Variants in PFKFB3 observed in about 807,000 individuals in gnomAD.
PFKFB3 encodes 6-phosphofructo-2-kinase/fructose-2,6-biphosphatase 3, also known as 6-phosphofructo-2-kinase/fructose-2,6-bisphosphatase 3.
A neutral mutation model predicts 68.0 loss-of-function variants in PFKFB3; 33 were observed. The ratio of observed to expected loss-of-function variants is 0.49; its 90% CI spans 0.37 to 0.65. PFKFB3 has a LOEUF of 0.65. Among genes scored for constraint, PFKFB3 ranks in the 30% least tolerant of loss-of-function variants. The pLI, the probability that PFKFB3 is intolerant of heterozygous loss-of-function variation, is 0.00. For synonymous variants in PFKFB3, 315 were observed against 288.2 expected (o/e 1.09, Z -0.94); for missense variants, 586 against 712.2 (o/e 0.82, Z 2.02).
rs1845850901 is a variant in PFKFB3, at chr10:6,233,185, C to T, written c.*243C>T. The T allele has an allele frequency of 4.0e-6, 2 of 503,688 alleles. No individual in the cohort carries two copies. Among genetic ancestry groups the T allele is most frequent in the Admixed American group, 6.6e-5 (2 of 30,198 alleles). The allele number at this position is 503,688 out of a possible 1,614,324, so 31.2% of individuals were successfully genotyped here. A position where few individuals can be genotyped will look rare whatever the true frequency, so the allele number is the denominator to read the frequency against. On this transcript the variant is annotated 3_prime_UTR_variant, in exon 15 of 15. Coordinates refer to ENST00000379775, the MANE Select transcript of PFKFB3 (RefSeq NM_004566.4). ...GCCGTGGGGCCCCCACCTCCACTCT[C>T]TGGGTTTCCTAGGAATGTCCAGCCT...
At chr10:6,174,817 T>C (rs1842414592) in intron 1 of PFKFB3, among the ~76,000 whole-genome samples, 1 of 105,268 alleles carries the variant, frequency 9.5e-6, no homozygotes, top group Admixed American at 9.6e-5. Flanking sequence ...TTTCTTTCTT[T>C]AATTTTTTTT....
At chr10:6,303,661 A>G in the PFKFB3 span, among the ~76,000 whole-genome samples, 19 of 151,948 alleles carry the variant, frequency 1.3e-4, no homozygotes, top group African/African-American at 4.6e-4. Context: ...AAAAATACAA[A>G]AATTAGCCGG....
the PFKFB3 span, among the ~76,000 whole-genome samples, chr10:6,290,211 G>A: frequency 4.0e-5 from 6 of 150,448 alleles, 1 homozygote; most frequent in Admixed American, 2.7e-4. Flanking sequence ...TCTCCTGCCT[G>A]ATTGCCCTGG....
rs1232765627 is a variant in PFKFB3, at chr10:6,212,042, G to A, written c.77-1581G>A. ...CCCGCAGCATAAGCCTGCTCAGCTC[G>A]GACATCAGGGCCTCTGTCCAGTCTG... On this transcript the variant is annotated intron_variant, in intron 1 of 14. Coordinates refer to ENST00000379775, the MANE Select transcript of PFKFB3 (RefSeq NM_004566.4). Among the ~76,000 whole-genome samples, 3 of 152,366 alleles carry A rather than the reference G, an allele frequency of 2.0e-5. 1 individual carries two copies. The highest frequency in any genetic ancestry group is 4.8e-5 in the African/African-American group (2 of 41,582).
chr10:6,208,229 G>T (rs967227810), intron 1 of PFKFB3, among the ~76,000 whole-genome samples: 1 of 151,984 alleles, frequency 6.6e-6, no homozygotes, highest in Admixed American at 6.5e-5. Context: ...GTGCTACTGC[G>T]CCCAGCTAAT....
chr10:6,256,382 A>G (rs1846496715), downstream of PFKFB3, among the ~76,000 whole-genome samples: 1 of 152,168 alleles, frequency 6.6e-6, no homozygotes, highest in African/African-American at 2.4e-5. Context: ...TCCCTCATGG[A>G]AAAAGAAAAA....
intron 14 of PFKFB3, among the ~76,000 whole-genome samples, chr10:6,230,521 T>G (rs1267879084): frequency 6.6e-6 from 1 of 152,068 alleles, no homozygotes; most frequent in Non-Finnish European, 1.5e-5. Context: ...CCCTAGGAAG[T>G]GCGTGGGGGA....
intron 1 of PFKFB3, chr10:6,146,395 A>G (rs914652578): frequency 5.9e-6 from 9 of 1,535,446 alleles, no homozygotes; most frequent in East Asian, 4.9e-5. Flanking sequence ...GAGGGTGGCC[A>G]GAAGGAAGGT....
At chr10:6,303,075 T>C in the PFKFB3 span, among the ~76,000 whole-genome samples, 1 of 152,196 alleles carries the variant, frequency 6.6e-6, no homozygotes, top group African/African-American at 2.4e-5. Context: ...ACTGGCTTTA[T>C]AAAGCACAAA....
chr10:6,170,347 T>C (rs1842270611), intron 1 of PFKFB3, among the ~76,000 whole-genome samples: 1 of 152,178 alleles, frequency 6.6e-6, no homozygotes, highest in African/African-American at 2.4e-5. Context: ...CCTTCTAGAC[T>C]CACTCGTTCC....
intron 1 of PFKFB3, among the ~76,000 whole-genome samples, chr10:6,167,694 C>T (rs1253935090): frequency 6.6e-6 from 1 of 152,214 alleles, no homozygotes; most frequent in African/African-American, 2.4e-5. Flanking sequence ...GCATTCGTAT[C>T]TGGTGGCCTC....
intron 1 of PFKFB3, among the ~76,000 whole-genome samples, chr10:6,177,354 C>CTT (rs1301342118): frequency 2.3e-4 from 18 of 78,030 alleles, no homozygotes; most frequent in South Asian, 1.1e-3. Flanking sequence ...CTTTTCTTTT[C>CTT]TCTTTCTTTC....
chr10:6,229,440 C>A lies in PFKFB3; in HGVS notation c.1515+3075C>A, dbSNP rs929011045. ...TCTGGGAGTGGGCTGGGTGCCCGTT[C>A]CCTGCTGCTGTCCTGAGGCCCCTGC... is the stretch of plus-strand genomic sequence containing the variant. On this transcript the variant is annotated intron_variant, in intron 14 of 14. Coordinates refer to ENST00000379775, the MANE Select transcript of PFKFB3 (RefSeq NM_004566.4). This position sits in a 1 kb window ranked among gnomAD's most constrained non-coding sequence, Gnocchi z 4.3. Among the ~76,000 whole-genome samples the A allele has an allele frequency of 6.6e-6, 1 of 152,236 alleles. No homozygotes were observed. Among genetic ancestry groups the A allele is most frequent in the Admixed American group, 6.5e-5 (1 of 15,290 alleles).
Position 6,229,154 on chromosome 10 carries a change from G to C in PFKFB3, c.1515+2789G>C, listed in dbSNP as rs763281157. On this transcript the variant is annotated intron_variant, in intron 14 of 14. Coordinates refer to ENST00000379775, the MANE Select transcript of PFKFB3 (RefSeq NM_004566.4). This position sits in a 1 kb window ranked among gnomAD's most constrained non-coding sequence, Gnocchi z 4.3. ...GGAATGCAGCCTGAGATGCTGAAAA[G>C]AATGACTGGCTTTGGAAATGGGAGA... 3.8e-6 allele frequency: 2 copies of C among 530,772 alleles called. No homozygotes were observed. Among genetic ancestry groups the C allele is most frequent in the Non-Finnish European group, 7.7e-6 (2 of 258,678 alleles). The allele number at this position is 530,772 out of a possible 1,614,324, so 32.9% of individuals were successfully genotyped here. A position where few individuals can be genotyped will look rare whatever the true frequency, so the allele number is the denominator to read the frequency against.
intron 14 of PFKFB3, among the ~76,000 whole-genome samples, chr10:6,243,399 G>T (rs980848179): frequency 1.3e-5 from 2 of 152,184 alleles, no homozygotes; most frequent in African/African-American, 2.4e-5. Context: ...AGTCAGGAAT[G>T]GCAAGCATAG....
chr10:6,274,721 G>T, the PFKFB3 span, among the ~76,000 whole-genome samples: 1 of 152,026 alleles, frequency 6.6e-6, no homozygotes, highest in Non-Finnish European at 1.5e-5. Flanking sequence ...CCTATAGTCC[G>T]AGCAACTTGG....
chr10:6,146,347 T>A, intron 1 of PFKFB3: 1 of 1,531,246 alleles, frequency 6.5e-7, no homozygotes, highest in Non-Finnish European at 8.7e-7. Flanking sequence ...AGGGGGTGGC[T>A]GCTGACTCTC....
Position 6,220,925 on chromosome 10 carries a change from G to A in PFKFB3, c.831+60G>A. 1 of 1,474,180 alleles carries A rather than the reference G, an allele frequency of 6.8e-7. No individual in the cohort carries two copies. Among genetic ancestry groups the A allele is most frequent in the Non-Finnish European group, 9.4e-7 (1 of 1,066,450 alleles). 91.3% of individuals were successfully genotyped at this position (1,474,180 alleles called of 1,614,324 possible). A position where few individuals can be genotyped will look rare whatever the true frequency, so the allele number is the denominator to read the frequency against. The stretch of plus-strand genomic sequence containing the variant: ...TGTAGGGCGGTTGCAGGGTCTATAG[G>A]GTGGGTGGGGAGCTGTGTGCTGCTG... On this transcript the variant is annotated intron_variant, in intron 8 of 14. Transcript: ENST00000379775. This position sits in a 1 kb window ranked among gnomAD's most constrained non-coding sequence, Gnocchi z 4.1.
chr10:6,199,633 A>T (rs1407742454), upstream of PFKFB3, among the ~76,000 whole-genome samples: 1 of 144,256 alleles, frequency 6.9e-6, no homozygotes, highest in Admixed American at 7.0e-5. Flanking sequence ...CACAGGTGCG[A>T]GCCACCATGC....
Sources: gnomAD v4.1 joint callset for allele counts (sites outside exome capture counted in the v4.1 genomes callset) on GRCh38, gnomAD v4.1.1 for gene constraint, Gnocchi (gnomAD v3.1) non-coding constraint, MANE v1.5 for transcripts, NCBI Gene and HGNC (gene_info 2026-07-23, HGNC 2026-07-21) for gene names.